Variants in C3 observed in about 807,000 individuals in gnomAD.
C3 encodes complement C3.
C3 carries 97 observed loss-of-function variants against 207.9 expected under a neutral mutation model. The observed-to-expected ratio is 0.47, with a 90% CI of 0.40 to 0.55. The LOEUF (loss-of-function observed/expected upper bound fraction) is 0.55. Ranked by LOEUF, C3 falls within the 20% of genes least tolerant of loss-of-function variation. C3 has a pLI of 0.00. For synonymous variants in C3, 848 were observed against 857.6 expected (o/e 0.99, Z 0.20); for missense variants, 1,684 against 2,171.7 (o/e 0.78, Z 4.46).
At position 6,700,611 on chromosome 19, in the gene C3, ATG is replaced by A. The variant is rs1420969814; in HGVS notation, c.2440+1514_2440+1515del. ...ATATATAATATATGATATATTATAT[ATG>A]TAATATATAATATATGATATATTAT... On this transcript the variant is annotated intron_variant, in intron 19 of 40. Coordinates refer to ENST00000245907, the MANE Select transcript of C3 (RefSeq NM_000064.4). 9.7e-5 allele frequency among the ~76,000 whole-genome samples: 5 copies of A among 51,736 alleles called. 1 individual carries two copies. Among genetic ancestry groups the A allele is most frequent in the Non-Finnish European group, 1.5e-4 (5 of 32,810 alleles). 33.9% of individuals were successfully genotyped at this position (51,736 alleles called of 152,430 possible).
Position 6,719,387 on chromosome 19 carries a change from G to C in C3, c.91C>G (p.Pro31Ala). The stretch of plus-strand genomic sequence containing the variant: ...TCGCTCTCCAGCCGCAAGATGTTGG[G>C]GGTGATGATAGAGTACCTGTCGGAG... ...LGSPMYSIIT[P>A]NILRLESEET... is the part of the protein sequence containing the mutation. The change falls in exon 2 of 41, where the codon CCC becomes GCC. Residue 31 changes from proline (P) to alanine (A), a missense_variant. By Grantham distance (27) the Pro-to-Ala change is conservative. Transcript: ENST00000245907. This position sits in a 1 kb window ranked among gnomAD's most constrained non-coding sequence, Gnocchi z 5.4. 2 of 1,613,938 alleles carry C rather than the reference G, an allele frequency of 1.2e-6. No individual in the cohort carries two copies.
Position 6,685,157 on chromosome 19 carries a change from C to G in C3, c.3811-11G>C. ...CACCATGAAGGTGGCCTAGAACCCA[C>G]AAGAGAGAAAGATGGTGATCTGGGA... On this transcript the variant is annotated splice_polypyrimidine_tract_variant and intron_variant, in intron 29 of 40. Transcript: ENST00000245907. 6.2e-7 allele frequency: 1 copy of G among 1,612,974 alleles called. No individual in the cohort carries two copies. The highest frequency in any genetic ancestry group is 8.5e-7 in the Non-Finnish European group (1 of 1,179,382).
chr19:6,714,294 CT>C (rs1967986932), intron 5 of C3, 46 bp from the exon 6 acceptor site: 4 of 1,609,294 alleles, frequency 2.5e-6, no homozygotes, highest in Admixed American at 1.7e-5. Context: ...CGGAGCCCCC[CT>C]GCTCCCTCTC....
At chr19:6,685,663 A>G (rs1370417982) in intron 29 of C3, among the ~76,000 whole-genome samples, 3 of 152,194 alleles carry the variant, frequency 2.0e-5, no homozygotes, top group South Asian at 4.1e-4. Context: ...TACTGAAACC[A>G]TGGCCTAGAA....
chr19:6,677,864 G>A lies in C3; in HGVS notation c.*18C>T, dbSNP rs1171555676. On this transcript the variant is annotated 3_prime_UTR_variant, in exon 41 of 41. Transcript: ENST00000245907. ...ATATAACTGAAGCTTTATCTGGAGT[G>A]GGGGAATGGGGGTGTGGTCAGTTGG... 6.2e-7 allele frequency: 1 copy of A among 1,613,612 alleles called. No homozygotes were observed. Among genetic ancestry groups the A allele is most frequent in the African/African-American group, 1.3e-5 (1 of 75,024 alleles).
chr19:6,714,357 G>A lies in C3; in HGVS notation c.594C>T (p.Leu198=), dbSNP rs763650811. ...VLPLSWDIPE[L]VNMGQWKIRA... ...TCCTCAAGAACCTGACATACTTGAC[G>A]AGTTCCGGAATGTCCCAAGACAAGG... The change falls in exon 5 of 41, where the codon CTC becomes CTT. Residue 198 remains leucine (L), a synonymous_variant. Coordinates refer to ENST00000245907, the MANE Select transcript of C3 (RefSeq NM_000064.4). 10 of 1,613,400 alleles carry A rather than the reference G, an allele frequency of 6.2e-6. No homozygotes were observed. Among genetic ancestry groups the A allele is most frequent in the Non-Finnish European group, 8.5e-6 (10 of 1,179,708 alleles).
In C3 at chr19:6,678,182, A is replaced by G; in HGVS notation, c.4820T>C (p.Leu1607Pro). ...CTTCTCTCCCCAGAAATCGGAGGAG[A>G]GACCCCACATGAGGTAGTGTTTCTT... Reference protein sequence around the residue: ...EEKKHYLMWGLSSDFWGEKPN... With the variant: ...EEKKHYLMWGPSSDFWGEKPN... Residue 1607 changes from leucine to proline, a missense_variant, in exon 40 of 41, where the codon CTC (leucine) becomes CCC (proline). This residue lies in a region of C3 where 346 missense variants were observed against 380.1 expected (regional missense o/e 0.91). Coordinates refer to ENST00000245907, the MANE Select transcript of C3 (RefSeq NM_000064.4). 6.2e-7 allele frequency: 1 copy of G among 1,614,144 alleles called. No homozygotes were observed. The highest frequency in any genetic ancestry group is 2.2e-5 in the East Asian group (1 of 44,864).
At chr19:6,685,255 C>G in intron 29 of C3, 109 bp from the exon 30 acceptor site, 1 of 959,860 alleles carries the variant, frequency 1.0e-6, no homozygotes, top group Non-Finnish European at 1.6e-6. Context: ...AAAATGTGGC[C>G]TAGAACCTAC....
intron 33 of C3, chr19:6,683,446 A>ATTTTTTTTTTTTTTTTTTTTT (rs770744810): frequency 2.1e-5 from 2 of 93,430 alleles, no homozygotes; most frequent in Admixed American, 1.4e-4. Flanking sequence ...GTTTTATTCT[A>ATTTTTTTTTTTTTTTTTTTTT]TTTTTTTTTT....
rs11569532 is a variant in C3 at position 6,687,785 on chromosome 19, G to A, written c.3490-883C>T. On this transcript the variant is annotated intron_variant, in intron 27 of 40. Transcript: ENST00000245907. ...GAGTTTGAGTGTTTCTAACCTTTGTGTTTAATATAATTTATTTAACTGTAA... is the reference window on the plus strand; with the variant it reads ...GAGTTTGAGTGTTTCTAACCTTTGTATTTAATATAATTTATTTAACTGTAA... Among the ~76,000 whole-genome samples the A allele has an allele frequency of 3.6e-4, 55 of 151,986 alleles. 1 individual carries two copies. The highest frequency in any genetic ancestry group is 1.2e-3 in the African/African-American group (51 of 41,476).
intron 27 of C3, among the ~76,000 whole-genome samples, chr19:6,689,379 C>CTT (rs1249999722): frequency 2.2e-5 from 3 of 136,404 alleles, no homozygotes; most frequent in Non-Finnish European, 1.6e-5. Context: ...CTCTCTCTCT[C>CTT]TCTCTCTCTG....
chr19:6,702,722 A>T (rs1246719221), intron 17 of C3, 143 bp from the exon 18 acceptor site: 1 of 685,212 alleles, frequency 1.5e-6, no homozygotes, highest in Non-Finnish European at 2.7e-6. Flanking sequence ...ACATGGTGAA[A>T]CCCATCTCTA....
chr19:6,680,270 G>T lies in C3; in HGVS notation c.4351-7C>A, dbSNP rs1312033933. 2.4e-5 allele frequency: 36 copies of T among 1,514,380 alleles called. No individual in the cohort carries two copies. The highest frequency in any genetic ancestry group is 3.3e-5 in the Non-Finnish European group (36 of 1,089,326). 93.8% of individuals were successfully genotyped at this position (1,514,380 alleles called of 1,614,324 possible). On this transcript the variant is annotated splice_polypyrimidine_tract_variant and splice_region_variant and intron_variant, in intron 35 of 40. Transcript: ENST00000245907. ...CATCCTCAGAGTGTGAGACCTGAGG[G>T]GGAAGGAGGAGCTTGGTCAGTGGGG... is the stretch of plus-strand genomic sequence containing the variant.
rs1177352861 is a variant in C3, at chr19:6,707,282, G to A, written c.2048-9C>T. 2.5e-6 allele frequency: 4 copies of A among 1,604,658 alleles called. No homozygotes were observed. The highest frequency in any genetic ancestry group is 2.7e-5 in the African/African-American group (2 of 73,398). Reference sequence around the variant, plus strand: ...CTTGGGGTACTTGCCGACTGCGGGAGCACGTGTTCCCCCAGGCCACACCCT... The same window carrying A: ...CTTGGGGTACTTGCCGACTGCGGGAACACGTGTTCCCCCAGGCCACACCCT... On this transcript the variant is annotated splice_polypyrimidine_tract_variant and intron_variant, in intron 16 of 40. Coordinates refer to ENST00000245907, the MANE Select transcript of C3 (RefSeq NM_000064.4).
At position 6,714,260 on chromosome 19, in the gene C3, G is replaced by A. The variant is rs200316931; in HGVS notation, c.600-12C>T. On this transcript the variant is annotated splice_polypyrimidine_tract_variant and intron_variant, in intron 5 of 40. Transcript: ENST00000245907. ...TCCACTGGCCCATGCTGTGAGGAGG[G>A]CGGATGAGTGGTCTCTCAGGCCTCG... 1.3e-4 allele frequency: 216 copies of A among 1,613,618 alleles called. 1 individual carries two copies. The African/African-American group carries it at 2.7e-3, about 20-fold the overall frequency.
Position 6,691,989 on chromosome 19 carries a change from AACACACACAC to A in C3, c.3390+925_3390+934del, listed in dbSNP as rs57940862. ...GTGACAAGAGCAAAACTCCATCTCA[AACACACACAC>A]ACACACACACACACACACACACACA... On this transcript the variant is annotated intron_variant, in intron 26 of 40. Coordinates refer to ENST00000245907, the MANE Select transcript of C3 (RefSeq NM_000064.4). Among the ~76,000 whole-genome samples the A allele has an allele frequency of 2.6e-3, 362 of 136,902 alleles. 1 individual carries two copies. Among genetic ancestry groups the A allele is most frequent in the African/African-American group, 6.4e-3 (233 of 36,318 alleles). The allele number at this position is 136,902 out of a possible 152,430, so 89.8% of individuals were successfully genotyped here. A position where few individuals can be genotyped will look rare whatever the true frequency, so the allele number is the denominator to read the frequency against.
chr19:6,680,247 T>C lies in C3; in HGVS notation c.4367A>G (p.Asp1456Gly). Residue 1456 changes from aspartate (D) to glycine (G), a missense_variant, in exon 36 of 41, where the codon GAT becomes GGT. Coordinates refer to ENST00000245907, the MANE Select transcript of C3 (RefSeq NM_000064.4). ...IYLDKVSHSE[D>G]DCLAFKVHQY... The stretch of plus-strand genomic sequence containing the variant: ...GTGAACTTTGAAAGCTAGACAGTCA[T>C]CCTCAGAGTGTGAGACCTGAGGGGG... The C allele has an allele frequency of 6.2e-7, 1 of 1,607,662 alleles. No individual in the cohort carries two copies.
Position 6,679,221 on chromosome 19 carries a change from G to T in C3, c.4547-13C>A. 1 of 1,610,944 alleles carries T rather than the reference G, an allele frequency of 6.2e-7. No homozygotes were observed. On this transcript the variant is annotated splice_polypyrimidine_tract_variant and intron_variant, in intron 37 of 40. Transcript: ENST00000245907. ...ATGAAGCAATTCTCTGCAGGGTGGG[G>T]TGGAGACAGGGTCTAAGTCCCACTC...
At chr19:6,682,284 G>T (rs1917884842) in intron 33 of C3, 55 bp from the exon 34 acceptor site, 1 of 1,373,386 alleles carries the variant, frequency 7.3e-7, no homozygotes, top group Non-Finnish European at 1.0e-6. Context: ...AGCCCCAAGG[G>T]TCTGTTCCTG....
Sources: allele counts gnomAD v4.1 joint callset (sites outside exome capture counted in the v4.1 genomes callset), GRCh38; gene constraint gnomAD v4.1.1; regional missense constraint gnomAD v4.1.1; non-coding constraint Gnocchi (gnomAD v3.1); transcripts MANE v1.5; gene names NCBI Gene and HGNC (gene_info 2026-07-23, HGNC 2026-07-21).